Variants in RBFOX1 observed in about 807,000 individuals in gnomAD.
RBFOX1 encodes RNA binding protein fox-1 homolog 1.
RBFOX1 carries 8 observed loss-of-function variants against 57.7 expected under a neutral mutation model. The observed-to-expected ratio is 0.14, with a 90% confidence interval of 0.08 to 0.25. The LOEUF is 0.25. RBFOX1 is among the 10% of genes least tolerant of loss of function. The pLI, the probability that RBFOX1 is intolerant of heterozygous loss-of-function variation, is 1.00. For missense variants in RBFOX1, 611 were observed against 548.5 expected, an observed-to-expected ratio of 1.11 and a Z score of -1.14; for synonymous variants, 326 against 222.4, an observed-to-expected ratio of 1.47 and a Z score of -4.15.
chr16:7,515,233 T>C (rs1298764044), intron 4 of RBFOX1, among the ~76,000 whole-genome samples: 1 of 150,454 alleles, frequency 6.6e-6, no homozygotes, highest in Non-Finnish European at 1.5e-5. Flanking sequence ...AAAGAAAAGA[T>C]GCTAGTTTAG....
At chr16:5,702,931 G>A (rs1359934849) in intron 3 of RBFOX1, among the ~76,000 whole-genome samples, 3 of 152,214 alleles carry the variant, frequency 2.0e-5, no homozygotes, top group Admixed American at 1.3e-4. Flanking sequence ...CTGTTACTAT[G>A]TGACGAATTT....
Position 6,721,448 on chromosome 16 carries a change from C to G in RBFOX1, c.-16+66798C>G, listed in dbSNP as rs550780519. On this transcript the variant is annotated intron_variant, in intron 3 of 15. Transcript: ENST00000550418. Reference sequence around the variant, plus strand: ...ACAGAGCGAGACTCTGTCTCAAAAACAACAACAACAAAACCGTGTTAACCA... The same window carrying G: ...ACAGAGCGAGACTCTGTCTCAAAAAGAACAACAACAAAACCGTGTTAACCA... 4.0e-5 allele frequency among the ~76,000 whole-genome samples: 6 copies of G among 149,730 alleles called. No individual in the cohort carries two copies. The East Asian group carries it at 1.2e-3, about 29-fold the overall frequency.
intron 1 of RBFOX1, among the ~76,000 whole-genome samples, chr16:5,389,478 C>A (rs929952220): frequency 6.6e-6 from 1 of 152,058 alleles, no homozygotes; most frequent in Non-Finnish European, 1.5e-5. Flanking sequence ...CCAAATGTCT[C>A]CAGACATCGC....
At chr16:7,613,779 C>G (rs1430265968) in intron 10 of RBFOX1, among the ~76,000 whole-genome samples, 1 of 152,072 alleles carries the variant, frequency 6.6e-6, no homozygotes, top group Non-Finnish European at 1.5e-5. Context: ...TTTAGTCATA[C>G]TTTTAGCTGT....
chr16:5,722,751 C>T (rs1270871557), intron 3 of RBFOX1, among the ~76,000 whole-genome samples: 18 of 152,170 alleles, frequency 1.2e-4, no homozygotes, highest in Admixed American at 1.2e-3. Context: ...TTGTAATATT[C>T]CCTGCCTGGC....
chr16:6,807,243 C>T (rs542481670), intron 3 of RBFOX1, among the ~76,000 whole-genome samples: 1 of 151,976 alleles, frequency 6.6e-6, no homozygotes, highest in Non-Finnish European at 1.5e-5. Context: ...ACAGCTGATG[C>T]CCTCTTAAAC....
At chr16:7,359,804 G>C (rs1379525529) in intron 4 of RBFOX1, among the ~76,000 whole-genome samples, 1 of 152,108 alleles carries the variant, frequency 6.6e-6, no homozygotes, top group Non-Finnish European at 1.5e-5. Context: ...CTAACATGGT[G>C]AAACCCCGTC....
intron 3 of RBFOX1, among the ~76,000 whole-genome samples, chr16:6,977,953 G>T (rs1275200826): frequency 2.4e-5 from 1 of 42,536 alleles, no homozygotes; most frequent in Non-Finnish European, 5.0e-5. Context: ...AAAAAAAAAG[G>T]CAAACCTCCT....
chr16:6,344,645 C>T (rs1396730985), intron 2 of RBFOX1, among the ~76,000 whole-genome samples: 2 of 150,126 alleles, frequency 1.3e-5, no homozygotes, highest in Non-Finnish European at 1.5e-5. Flanking sequence ...GATTTGCCTG[C>T]CTCGGCCTCC....
chr16:6,351,174 A>G (rs2086285658), intron 2 of RBFOX1, among the ~76,000 whole-genome samples: 1 of 152,006 alleles, frequency 6.6e-6, no homozygotes, highest in African/African-American at 2.4e-5. Context: ...GGAAAGATAC[A>G]TAATCTTTAT....
At chr16:5,564,220 G>A (rs2045984540) in intron 2 of RBFOX1, among the ~76,000 whole-genome samples, 1 of 151,770 alleles carries the variant, frequency 6.6e-6, no homozygotes, top group South Asian at 2.1e-4. Context: ...GTTTCACTGT[G>A]TTGGCCAGGC....
At chr16:5,758,295 T>A (rs1048881159) in intron 3 of RBFOX1, among the ~76,000 whole-genome samples, 2 of 152,226 alleles carry the variant, frequency 1.3e-5, no homozygotes, top group African/African-American at 4.8e-5. Context: ...CTTGAAATAA[T>A]GTTGCCATAG....
intron 3 of RBFOX1, among the ~76,000 whole-genome samples, chr16:6,902,025 T>C (rs577309358): frequency 6.6e-6 from 1 of 152,314 alleles, no homozygotes; most frequent in South Asian, 2.1e-4. Context: ...CAGAATGTGC[T>C]TAAGGTTGCA....
exon 3 of RBFOX1, chr16:5,599,772 C>T (rs80156067): frequency 2.0e-5 from 3 of 153,418 alleles, no homozygotes; most frequent in Non-Finnish European, 1.4e-5. Flanking sequence ...GACTCAAAGA[C>T]AAAAAATGAT....
At chr16:6,633,722 G>A (rs866159917) in intron 2 of RBFOX1, among the ~76,000 whole-genome samples, 11 of 152,224 alleles carry the variant, frequency 7.2e-5, no homozygotes, top group African/African-American at 2.2e-4. Context: ...TGGAATCGAG[G>A]CTCTAGCCAG....
intron 1 of RBFOX1, among the ~76,000 whole-genome samples, chr16:5,436,175 G>C (rs2067912223): frequency 1.3e-5 from 2 of 152,216 alleles, no homozygotes; most frequent in Admixed American, 6.5e-5. Flanking sequence ...TCTGGGGAGA[G>C]ACACTTCAAT....
chr16:5,554,863 C>T (rs781136716), intron 2 of RBFOX1, among the ~76,000 whole-genome samples: 3 of 152,158 alleles, frequency 2.0e-5, no homozygotes, highest in Non-Finnish European at 4.4e-5. Flanking sequence ...CAGTTGTCTC[C>T]AATGTCACGG....
At chr16:6,145,398 G>A (rs2096750253) in intron 1 of RBFOX1, among the ~76,000 whole-genome samples, 2 of 151,936 alleles carry the variant, frequency 1.3e-5, no homozygotes, top group Admixed American at 1.3e-4. Context: ...AGTATTCCAT[G>A]GTGTATATGT....
At chr16:7,553,014 T>G (rs528561860) in intron 5 of RBFOX1, among the ~76,000 whole-genome samples, 7 of 152,136 alleles carry the variant, frequency 4.6e-5, no homozygotes, top group African/African-American at 1.7e-4. Context: ...ACCTTCTCTT[T>G]CCTCTCAGTA....
Sources: allele counts gnomAD v4.1 joint callset (sites outside exome capture counted in the v4.1 genomes callset), GRCh38; gene constraint gnomAD v4.1.1; transcripts MANE v1.5; gene names NCBI Gene and HGNC (gene_info 2026-07-23, HGNC 2026-07-21).